The following BLM variants were observed in gnomAD, a reference collection of about 807,000 sequenced individuals.
The protein encoded by BLM is recQ-like DNA helicase BLM.
BLM carries 95 observed loss-of-function variants against 135.3 expected under a neutral mutation model. The ratio of observed to expected loss-of-function variants is 0.70; its 90% CI spans 0.59 to 0.83. BLM has a LOEUF of 0.83. BLM is among the 40% of genes least tolerant of loss of function. The pLI is 0.00. For missense variants in BLM, 1,518 were observed against 1,663.9 expected (o/e 0.91, Z 1.53); for synonymous variants, 520 against 589.2 (o/e 0.88, Z 1.70).
In BLM at chr15:90,769,595, T is replaced by C; in HGVS notation, c.2555+9T>C. The C allele has an allele frequency of 6.2e-7, 1 of 1,613,186 alleles. No individual in the cohort carries two copies. The highest frequency in any genetic ancestry group is 8.5e-7 in the Non-Finnish European group (1 of 1,179,522). ...ATTCTCAGACCTCAGGTGTAAGTTG[T>C]TGCACGTCACGTATTTGAGAACCCT... On this transcript the variant is annotated intron_variant, in intron 12 of 21. Transcript: ENST00000355112.
chr15:90,761,384 T>C, intron 7 of BLM, 129 bp downstream of exon 7: 2 of 724,606 alleles, frequency 2.8e-6, no homozygotes, highest in South Asian at 7.0e-5. Context: ...CTACTGATGA[T>C]ATGAATTACA....
At chr15:90,757,934 T>G (rs961320133) in intron 5 of BLM, among the ~76,000 whole-genome samples, 8 of 151,426 alleles carry the variant, frequency 5.3e-5, no homozygotes, top group Non-Finnish European at 1.0e-4. Context: ...CAGGCTAAAG[T>G]GCACTGGCGC....
intron 19 of BLM, among the ~76,000 whole-genome samples, chr15:90,804,893 G>C (rs1897253734): frequency 6.6e-6 from 1 of 152,148 alleles, no homozygotes; most frequent in Admixed American, 6.5e-5. Context: ...CTGGAGTGCA[G>C]TGGCGCGATC....
chr15:90,727,042 C>T (rs1894937377), intron 1 of BLM, among the ~76,000 whole-genome samples: 1 of 152,214 alleles, frequency 6.6e-6, no homozygotes, highest in Non-Finnish European at 1.5e-5. Context: ...AGTTTATATT[C>T]TCACCATCAG....
intron 1 of BLM, among the ~76,000 whole-genome samples, chr15:90,722,940 A>C (rs1162662588): frequency 6.6e-6 from 1 of 152,160 alleles, no homozygotes; most frequent in Admixed American, 6.5e-5. Context: ...TCCTGGGTTC[A>C]AGCAATTCTC....
intron 14 of BLM, 140 bp downstream of exon 14, chr15:90,785,221 T>C: frequency 2.0e-6 from 2 of 987,798 alleles, no homozygotes; most frequent in Non-Finnish European, 3.0e-6. Context: ...AAACAGATTT[T>C]CTTTGAGACT....
intron 12 of BLM, among the ~76,000 whole-genome samples, chr15:90,776,180 A>G (rs1896472505): frequency 6.6e-6 from 1 of 152,232 alleles, no homozygotes; most frequent in Admixed American, 6.5e-5. Flanking sequence ...ATGATCAGTC[A>G]TCAAAAATTA....
chr15:90,754,838 CAGAAA>C lies in BLM; in HGVS notation c.991_995del (p.Lys331GlyfsTer4), dbSNP rs786204524. ...CGTTAAAGGACCTTGACACCTCTGACAGAAAAGAGGATGTTCTTAGCACATCAAAA... is the reference window on the plus strand; with the variant it reads ...CGTTAAAGGACCTTGACACCTCTGACAGAGGATGTTCTTAGCACATCAAAA... On this transcript the variant is annotated frameshift_variant, in exon 5 of 22. Transcript: ENST00000355112. LOFTEE classifies it high-confidence loss of function. 6.2e-7 allele frequency: 1 copy of C among 1,613,642 alleles called. No homozygotes were observed. Among genetic ancestry groups the C allele is most frequent in the Non-Finnish European group, 8.5e-7 (1 of 1,179,884 alleles).
chr15:90,797,725 C>G (rs891317957), intron 16 of BLM, among the ~76,000 whole-genome samples: 1 of 151,772 alleles, frequency 6.6e-6, no homozygotes, highest in Non-Finnish European at 1.5e-5. Flanking sequence ...AAAAAGTGGG[C>G]AAAGTTTGGG....
chr15:90,728,517 C>T (rs1369980876), intron 1 of BLM, among the ~76,000 whole-genome samples: 3 of 152,174 alleles, frequency 2.0e-5, no homozygotes, highest in Non-Finnish European at 4.4e-5. Flanking sequence ...CTGCCTCAGC[C>T]TCCCGGGTAG....
chr15:90,815,593 G>T lies in BLM; in HGVS notation c.*314G>T. 2.7e-6 allele frequency: 1 copy of T among 365,456 alleles called. No homozygotes were observed. Among genetic ancestry groups the T allele is most frequent in the South Asian group, 3.5e-5 (1 of 28,410 alleles). 22.6% of individuals were successfully genotyped at this position (365,456 alleles called of 1,614,324 possible). On this transcript the variant is annotated 3_prime_UTR_variant, in exon 22 of 22. Transcript: ENST00000355112. This position sits in a 1 kb window ranked among gnomAD's most constrained non-coding sequence, Gnocchi z 4.6. ...GAAGCCAAAGGAAGAGCCACGCGTG[G>T]GCCCTTGTGAAACTAAAGCTTTTCG...
chr15:90,793,303 T>G (rs1220932312), intron 15 of BLM, among the ~76,000 whole-genome samples: 1 of 151,872 alleles, frequency 6.6e-6, no homozygotes, highest in Non-Finnish European at 1.5e-5. Context: ...CCCAGCTAAT[T>G]TTTGTATTCT....
At chr15:90,803,473 A>T (rs1268635890) in intron 17 of BLM, 48 bp from the exon 18 acceptor site, 1 of 1,548,184 alleles carries the variant, frequency 6.5e-7, no homozygotes, top group Admixed American at 1.7e-5. Context: ...TTTGAGGGTG[A>T]TGATATACGT....
rs147850738 is a variant in BLM, at chr15:90,751,794, C to T, written c.807C>T (p.Ser269=). The change falls in exon 4 of 22, where the codon AGC becomes AGT. Residue 269 remains serine (S), a synonymous_variant. Coordinates refer to ENST00000355112, the MANE Select transcript of BLM (RefSeq NM_000057.4). The stretch of plus-strand genomic sequence containing the variant: ...TCAACTGTTTTACTGTAGATAATAG[C>T]GAAAAGAAGAAGAATTTGGAAGAAG... ...KTHLEDERDN[S]EKKKNLEEAE... 176 of 1,611,182 alleles carry T rather than the reference C, an allele frequency of 1.1e-4. No individual in the cohort carries two copies. Among genetic ancestry groups the T allele is most frequent in the African/African-American group, 3.5e-4 (26 of 74,914 alleles).
In BLM at chr15:90,813,759, CA is replaced by C. The variant is rs376782456; in HGVS notation, c.4077-1342del. On this transcript the variant is annotated intron_variant, in intron 21 of 21. Transcript: ENST00000355112. Reference sequence around the variant, plus strand: ...GTGTGACTTTGTGTTACCCTTGGAGCAGCCTCTTTTTGCTCCACTCTCCTTT... The same window carrying C: ...GTGTGACTTTGTGTTACCCTTGGAGCGCCTCTTTTTGCTCCACTCTCCTTT... 4.5e-3 allele frequency among the ~76,000 whole-genome samples: 687 copies of C among 152,294 alleles called. 5 individuals are homozygous for C. Among genetic ancestry groups the C allele is most frequent in the African/African-American group, 0.015 (617 of 41,542 alleles).
At position 90,762,947 on chromosome 15, in the gene BLM, A is replaced by G. The variant is rs200507632; in HGVS notation, c.1883-19A>G. ...TGTATTCATGTACTGATTTTTCTTA[A>G]CGTTGATTATTTTCCTAGACAAGTC... On this transcript the variant is annotated intron_variant, in intron 7 of 21. Transcript: ENST00000355112. 5 of 1,607,654 alleles carry G rather than the reference A, an allele frequency of 3.1e-6. No individual in the cohort carries two copies. The highest frequency in any genetic ancestry group is 2.6e-6 in the Non-Finnish European group (3 of 1,175,694).
At chr15:90,784,099 T>G (rs1297675741) in intron 13 of BLM, among the ~76,000 whole-genome samples, 1 of 152,154 alleles carries the variant, frequency 6.6e-6, no homozygotes, top group Admixed American at 6.5e-5. Flanking sequence ...TAGAAAACAC[T>G]TTTGATAGTT....
chr15:90,779,180 C>A (rs1896557835), intron 12 of BLM, among the ~76,000 whole-genome samples: 1 of 152,106 alleles, frequency 6.6e-6, no homozygotes, highest in Admixed American at 6.6e-5. Flanking sequence ...CCACCGTGCC[C>A]AGCCTATGTT....
intron 1 of BLM, among the ~76,000 whole-genome samples, chr15:90,744,603 C>T (rs1437136199): frequency 2.0e-5 from 3 of 152,092 alleles, no homozygotes; most frequent in African/African-American, 7.2e-5. Flanking sequence ...ATCTCCTGAC[C>T]TCATGATCCG....
Sources: gnomAD v4.1 joint callset for allele counts (sites outside exome capture counted in the v4.1 genomes callset) on GRCh38, gnomAD v4.1.1 for gene constraint, Gnocchi (gnomAD v3.1) non-coding constraint, MANE v1.5 for transcripts, NCBI Gene and HGNC (gene_info 2026-07-23, HGNC 2026-07-21) for gene names.